Variants in KCNH1 observed in about 807,000 individuals in gnomAD.
KCNH1 encodes the protein voltage-gated delayed rectifier potassium channel KCNH1.
Under a neutral mutation model 69.2 loss-of-function variants are expected in KCNH1, and 27 were observed. The ratio of observed to expected loss-of-function variants is 0.39; its 90% CI spans 0.29 to 0.54. The LOEUF is 0.54. Among genes scored for constraint, KCNH1 ranks in the 20% least tolerant of loss-of-function variants. KCNH1 has a pLI of 0.68. For missense variants in KCNH1, 798 were observed against 1,261.6 expected, an observed-to-expected ratio of 0.63 and a Z score of 5.57; for synonymous variants, 456 against 487.7, an observed-to-expected ratio of 0.93 and a Z score of 0.86.
chr1:210,963,381 C>T (rs1269285147), intron 6 of KCNH1, among the ~76,000 whole-genome samples: 2 of 69,086 alleles, frequency 2.9e-5, no homozygotes, highest in Non-Finnish European at 7.6e-5. Context: ...GCCTCTTCTC[C>T]TCCAAAGGAT....
intron 6 of KCNH1, among the ~76,000 whole-genome samples, chr1:210,955,538 G>T (rs1380767676): frequency 6.6e-6 from 1 of 152,162 alleles, no homozygotes; most frequent in Non-Finnish European, 1.5e-5. Context: ...CCATGAGCAT[G>T]GAATGTTCTT....
At chr1:210,756,600 T>G (rs1683405311) in intron 10 of KCNH1, among the ~76,000 whole-genome samples, 1 of 152,126 alleles carries the variant, frequency 6.6e-6, no homozygotes, top group Admixed American at 6.5e-5. Context: ...TCAGGGACAG[T>G]CAGATGGATG....
At chr1:210,969,426 C>T (rs1418927941) in intron 6 of KCNH1, among the ~76,000 whole-genome samples, 2 of 152,030 alleles carry the variant, frequency 1.3e-5, no homozygotes, top group African/African-American at 4.8e-5. Flanking sequence ...CTGGTACTTA[C>T]ATTTTCTTCA....
At chr1:210,706,315 C>T in intron 10 of KCNH1, among the ~76,000 whole-genome samples, 1 of 152,194 alleles carries the variant, frequency 6.6e-6, no homozygotes, top group East Asian at 1.9e-4. Context: ...GCTTGCTGTG[C>T]CCCTTCTGAG....
chr1:211,109,424 G>C (rs1274088430), intron 1 of KCNH1, among the ~76,000 whole-genome samples: 1 of 152,282 alleles, frequency 6.6e-6, no homozygotes, highest in South Asian at 2.1e-4. Flanking sequence ...CACATTTCCT[G>C]AACTGAATAG....
chr1:210,936,810 C>T (rs1158253721), intron 6 of KCNH1, among the ~76,000 whole-genome samples: 4 of 151,984 alleles, frequency 2.6e-5, no homozygotes. Context: ...TACTCCACAT[C>T]ATCACTGGAA....
chr1:211,097,159 A>C, intron 3 of KCNH1, among the ~76,000 whole-genome samples: 1 of 152,230 alleles, frequency 6.6e-6, no homozygotes, highest in Non-Finnish European at 1.5e-5. Context: ...ATTTCAAATC[A>C]GAAAGGAAAA....
intron 10 of KCNH1, among the ~76,000 whole-genome samples, chr1:210,716,166 G>T (rs891588906): frequency 3.9e-5 from 6 of 152,012 alleles, no homozygotes; most frequent in Non-Finnish European, 7.4e-5. Context: ...GGGCGTGGCG[G>T]CTCATTCCTG....
chr1:210,710,440 T>C (rs1400316740), intron 10 of KCNH1, among the ~76,000 whole-genome samples: 1 of 152,016 alleles, frequency 6.6e-6, no homozygotes, highest in East Asian at 1.9e-4. Flanking sequence ...GAGAGAGATA[T>C]ACGAAGAGAT....
At chr1:210,737,650 AC>A (rs1302652121) in intron 10 of KCNH1, among the ~76,000 whole-genome samples, 1 of 151,994 alleles carries the variant, frequency 6.6e-6, no homozygotes, top group Non-Finnish European at 1.5e-5. Flanking sequence ...CCCTGCACAT[AC>A]CCCTCAAACT....
intron 6 of KCNH1, among the ~76,000 whole-genome samples, chr1:210,938,627 T>C (rs1546277): frequency 0.7 from 105,828 of 151,962 alleles, 37,316 homozygotes; most frequent in East Asian, 0.79. Flanking sequence ...ACCAGATTAT[T>C]TGTGGTTCCA....
At chr1:210,984,800 A>C (rs954612740) in intron 6 of KCNH1, among the ~76,000 whole-genome samples, 2 of 152,236 alleles carry the variant, frequency 1.3e-5, no homozygotes, top group African/African-American at 2.4e-5. Context: ...TGGTCTCATA[A>C]AATGAGTTAG....
chr1:211,034,139 T>C (rs1410689540), intron 5 of KCNH1, among the ~76,000 whole-genome samples: 1 of 152,178 alleles, frequency 6.6e-6, no homozygotes, highest in Non-Finnish European at 1.5e-5. Context: ...TACATGAATG[T>C]TTATAGCAGC....
At chr1:210,930,978 C>T (rs1316534471) in intron 6 of KCNH1, among the ~76,000 whole-genome samples, 1 of 152,084 alleles carries the variant, frequency 6.6e-6, no homozygotes, top group African/African-American at 2.4e-5. Flanking sequence ...GTACTTCACT[C>T]CTACAAGAAT....
intron 5 of KCNH1, among the ~76,000 whole-genome samples, chr1:211,032,951 A>T (rs1571593945): frequency 6.6e-6 from 1 of 152,358 alleles, no homozygotes; most frequent in East Asian, 1.9e-4. Context: ...CAGCAAAAGA[A>T]ACTATCATCA....
chr1:210,718,388 AT>A (rs376278980), intron 10 of KCNH1, among the ~76,000 whole-genome samples: 1 of 53,052 alleles, frequency 1.9e-5, no homozygotes. Flanking sequence ...GCATATATTT[AT>A]ATATAAAATA....
chr1:210,860,180 T>C, intron 7 of KCNH1: 3 of 1,210,730 alleles, frequency 2.5e-6, no homozygotes, highest in Non-Finnish European at 3.7e-6. Context: ...GTATCAACTG[T>C]TACATAATTA....
At chr1:210,989,857 T>A (rs1368241437) in intron 6 of KCNH1, among the ~76,000 whole-genome samples, 1 of 152,208 alleles carries the variant, frequency 6.6e-6, no homozygotes, top group East Asian at 1.9e-4. Context: ...TGATTTTTAT[T>A]TTTATAAGTG....
chr1:210,814,172 C>T (rs1160796602), intron 7 of KCNH1, among the ~76,000 whole-genome samples: 1 of 152,094 alleles, frequency 6.6e-6, no homozygotes, highest in Non-Finnish European at 1.5e-5. Context: ...GAGGAGGACG[C>T]ACAGGAGAAT....
Sources: gnomAD v4.1 joint callset for allele counts (sites outside exome capture counted in the v4.1 genomes callset) on GRCh38, gnomAD v4.1.1 for gene constraint, MANE v1.5 for transcripts, NCBI Gene and HGNC (gene_info 2026-07-23, HGNC 2026-07-21) for gene names.